The following TMC1 variants were observed in gnomAD, a reference collection of about 807,000 sequenced individuals.
TMC1 encodes transmembrane channel like 1, also known as transmembrane channel-like protein 1.
In TMC1, 84 loss-of-function variants were observed where a neutral mutation model predicts 105.8. The ratio of observed to expected loss-of-function variants is 0.79; its 90% CI spans 0.67 to 0.95. The LOEUF (loss-of-function observed/expected upper bound fraction) is 0.95, where lower values mean the gene tolerates loss of function less well. Ranked by LOEUF, TMC1 falls within the 40% of genes least tolerant of loss-of-function variation. TMC1 has a pLI of 0.00. For synonymous variants in TMC1, 315 were observed against 311.5 expected (o/e 1.01, Z -0.12); for missense variants, 817 against 914.1 (o/e 0.89, Z 1.37).
rs1224581645 is a variant in TMC1, at chr9:72,830,565, T to C, written c.2208+36T>C. ...ATTTATTTCATAGAAATATTATCTT[T>C]ATTAATGTCAAGCAGTAGAAAACAC... On this transcript the variant is annotated intron_variant, in intron 22 of 23. Coordinates refer to ENST00000297784, the MANE Select transcript of TMC1 (RefSeq NM_138691.3). The C allele has an allele frequency of 3.7e-6, 6 of 1,602,082 alleles. No homozygotes were observed. In the South Asian group the frequency reaches 4.4e-5, roughly 12 times the overall value.
chr9:72,833,307 T>C (rs897380966), intron 23 of TMC1, among the ~76,000 whole-genome samples: 4 of 152,236 alleles, frequency 2.6e-5, no homozygotes, highest in Non-Finnish European at 5.9e-5. Flanking sequence ...TATTTTTATA[T>C]ATGTTTCAGT....
At chr9:72,738,633 G>T (rs928800981) in intron 8 of TMC1, among the ~76,000 whole-genome samples, 10 of 151,936 alleles carry the variant, frequency 6.6e-5, no homozygotes, top group African/African-American at 2.2e-4. Flanking sequence ...GGCCAGGGTG[G>T]TCTCGAACTC....
chr9:72,806,517 G>A lies in TMC1; in HGVS notation c.1695+1007G>A, dbSNP rs1165638582. ...TCATTTCTCAGACGGGGCGGCTGCCGGGCGGAGGGGCTCCTCACTTCTCAG... is the reference window on the plus strand; with the variant it reads ...TCATTTCTCAGACGGGGCGGCTGCCAGGCGGAGGGGCTCCTCACTTCTCAG... On this transcript the variant is annotated intron_variant, in intron 18 of 23. Coordinates refer to ENST00000297784, the MANE Select transcript of TMC1 (RefSeq NM_138691.3). 2.1e-4 allele frequency among the ~76,000 whole-genome samples: 31 copies of A among 149,604 alleles called. 1 individual carries two copies. The highest frequency in any genetic ancestry group is 1.5e-3 in the Admixed American group (23 of 15,148).
chr9:72,709,931 T>C (rs1423975213), intron 8 of TMC1, among the ~76,000 whole-genome samples: 1 of 152,198 alleles, frequency 6.6e-6, no homozygotes, highest in African/African-American at 2.4e-5. Flanking sequence ...TTCTAGTTCC[T>C]TGAGGTGTTA....
intron 1 of TMC1, among the ~76,000 whole-genome samples, chr9:72,528,862 A>G (rs1823449526): frequency 6.6e-6 from 1 of 152,126 alleles, no homozygotes; most frequent in Non-Finnish European, 1.5e-5. Context: ...ACAGGGTTAG[A>G]CAAATACAGT....
At chr9:72,561,317 C>CAA (rs375862130) in intron 1 of TMC1, among the ~76,000 whole-genome samples, 6,081 of 75,106 alleles carry the variant, frequency 0.081, 405 homozygotes, top group African/African-American at 0.094. Flanking sequence ...GACTCCGTCT[C>CAA]AAAAAAAAAA....
intron 2 of TMC1, among the ~76,000 whole-genome samples, chr9:72,599,244 C>T (rs766269537): frequency 1.3e-5 from 2 of 152,118 alleles, no homozygotes; most frequent in Admixed American, 6.5e-5. Flanking sequence ...TTGGCCAGGC[C>T]GGTCTCAAAC....
In TMC1 at chr9:72,717,731, C is replaced by T. The variant is rs1230250742; in HGVS notation, c.362+17088C>T. 3.3e-5 allele frequency among the ~76,000 whole-genome samples: 5 copies of T among 152,150 alleles called. No individual in the cohort carries two copies. In the South Asian group the frequency reaches 6.2e-4, roughly 19 times the overall value. ...TTGCCTCACAGCTCTTAAGATTTTT[C>T]CCTCTGTCTTGACTTTAGATAACCT... is the stretch of plus-strand genomic sequence containing the variant. On this transcript the variant is annotated intron_variant, in intron 8 of 23. Transcript: ENST00000297784.
intron 12 of TMC1, among the ~76,000 whole-genome samples, chr9:72,769,863 C>T (rs1166802099): frequency 6.6e-6 from 1 of 152,134 alleles, no homozygotes; most frequent in Non-Finnish European, 1.5e-5. Context: ...ATAAAGAGTT[C>T]AGGATATAAT....
intron 5 of TMC1, among the ~76,000 whole-genome samples, chr9:72,658,768 T>TG (rs1359654103): frequency 6.6e-6 from 1 of 152,218 alleles, no homozygotes; most frequent in Non-Finnish European, 1.5e-5. Context: ...GTGAGGGTCT[T>TG]GCAGACACAG....
At position 72,613,395 on chromosome 9, in the gene TMC1, G is replaced by A. The variant is rs541686118; in HGVS notation, c.-305-2973G>A. 2.0e-5 allele frequency among the ~76,000 whole-genome samples: 3 copies of A among 152,130 alleles called. No homozygotes were observed. The South Asian group carries it at 6.3e-4, about 32-fold the overall frequency. ...CCTGCCTCGGCCTTCCAAAGTGCTG[G>A]GATTACAGGTGTGAGTCACTGCTCC... On this transcript the variant is annotated intron_variant, in intron 2 of 23. Coordinates refer to ENST00000297784, the MANE Select transcript of TMC1 (RefSeq NM_138691.3).
chr9:72,815,997 A>T, intron 18 of TMC1, 146 bp from the exon 19 acceptor site: 1 of 719,326 alleles, frequency 1.4e-6, no homozygotes, highest in Non-Finnish European at 2.5e-6. Flanking sequence ...TGTTTTATTT[A>T]TATCTGGTTA....
intron 1 of TMC1, among the ~76,000 whole-genome samples, chr9:72,541,430 A>G (rs112244745): frequency 0.015 from 2,324 of 152,184 alleles, 70 homozygotes; most frequent in African/African-American, 0.053. Context: ...GCTCATGCCT[A>G]TAATCCGAGC....
chr9:72,628,787 A>G (rs1825397929), intron 4 of TMC1, among the ~76,000 whole-genome samples: 1 of 152,242 alleles, frequency 6.6e-6, no homozygotes, highest in African/African-American at 2.4e-5. Flanking sequence ...AGCTTTATTT[A>G]TCTTGCCTTT....
At chr9:72,661,184 G>A (rs189906589) in intron 5 of TMC1, among the ~76,000 whole-genome samples, 2 of 152,158 alleles carry the variant, frequency 1.3e-5, no homozygotes, top group Non-Finnish European at 2.9e-5. Context: ...GTAAATGATT[G>A]GGAGTTAAAA....
rs565312298 is a variant in TMC1, at chr9:72,658,242, T to A, written c.16+9578T>A. On this transcript the variant is annotated intron_variant, in intron 5 of 23. Transcript: ENST00000297784. ...GTTTAGGACCACAGTAAAAAAAAAT[T>A]GGGGGTGCAGGATATAAAGTATCAA... 2.6e-5 allele frequency among the ~76,000 whole-genome samples: 4 copies of A among 151,726 alleles called. No homozygotes were observed. In the South Asian group the frequency reaches 8.3e-4, roughly 32 times the overall value.
At chr9:72,763,556 G>T (rs1220887113) in intron 12 of TMC1, among the ~76,000 whole-genome samples, 1 of 152,156 alleles carries the variant, frequency 6.6e-6, no homozygotes, top group African/African-American at 2.4e-5. Flanking sequence ...GTTCAAATTG[G>T]GCTCTAAGGA....
chr9:72,624,187 C>CA (rs954878585), intron 3 of TMC1, among the ~76,000 whole-genome samples: 3 of 152,048 alleles, frequency 2.0e-5, no homozygotes, highest in Admixed American at 2.0e-4. Flanking sequence ...AGTGGGAGCT[C>CA]AAATATGACC....
chr9:72,624,452 G>A (rs1393367581), intron 3 of TMC1, among the ~76,000 whole-genome samples: 1 of 151,922 alleles, frequency 6.6e-6, no homozygotes, highest in Non-Finnish European at 1.5e-5. Context: ...TTGTCCTGTC[G>A]AAATGGCCAA....
Sources: allele counts gnomAD v4.1 joint callset (sites outside exome capture counted in the v4.1 genomes callset), GRCh38; gene constraint gnomAD v4.1.1; transcripts MANE v1.5; gene names NCBI Gene and HGNC (gene_info 2026-07-23, HGNC 2026-07-21).